RBM20: variants seen among roughly 807,000 people sequenced by gnomAD.
RBM20 encodes RNA-binding protein 20.
RBM20 carries 51 observed loss-of-function variants against 110.1 expected under a neutral mutation model. That is an observed-to-expected ratio of 0.46 (90% CI 0.37 to 0.59). The LOEUF (loss-of-function observed/expected upper bound fraction) is 0.59. Among genes scored for constraint, RBM20 ranks in the 20% least tolerant of loss-of-function variants. The pLI, the probability that RBM20 is intolerant of heterozygous loss-of-function variation, is 0.00. For synonymous variants in RBM20, 589 were observed against 618.2 expected (o/e 0.95, Z 0.70); for missense variants, 1,512 against 1,574.9 (o/e 0.96, Z 0.68).
intron 5 of RBM20, among the ~76,000 whole-genome samples, chr10:110,793,846 TAAAG>T (rs1410439380): frequency 6.6e-6 from 1 of 152,236 alleles, no homozygotes; most frequent in African/African-American, 2.4e-5. Context: ...ACCATATTGA[TAAAG>T]AAATTCAAAG....
chr10:110,752,841 T>C (rs980221386), intron 1 of RBM20, among the ~76,000 whole-genome samples: 1 of 150,642 alleles, frequency 6.6e-6, no homozygotes. Flanking sequence ...TCTATAATTT[T>C]ACCACTTGTG....
chr10:110,783,495 T>A, intron 3 of RBM20, 68 bp downstream of exon 3: 1 of 1,253,500 alleles, frequency 8.0e-7, no homozygotes. Context: ...ATTTACTGTG[T>A]GTCACACGCT....
At chr10:110,701,635 G>A (rs1368863933) in intron 1 of RBM20, among the ~76,000 whole-genome samples, 1 of 152,194 alleles carries the variant, frequency 6.6e-6, no homozygotes, top group Non-Finnish European at 1.5e-5. Context: ...ACACACCCCA[G>A]CTCCACACCA....
chr10:110,771,641 T>C (rs1052121480), intron 1 of RBM20, among the ~76,000 whole-genome samples: 3 of 152,130 alleles, frequency 2.0e-5, no homozygotes, highest in Non-Finnish European at 2.9e-5. Flanking sequence ...CTGAAGATCA[T>C]GAAAGGGACA....
intron 1 of RBM20, among the ~76,000 whole-genome samples, chr10:110,760,425 C>CTTTTTTTTTTTTTTT (rs541027608): frequency 3.5e-5 from 2 of 57,818 alleles, no homozygotes; most frequent in African/African-American, 6.4e-5. Flanking sequence ...ATTCCATCAT[C>CTTTTTTTTTTTTTTT]TTTTTTTTTT....
intron 1 of RBM20, among the ~76,000 whole-genome samples, chr10:110,740,691 G>T (rs1463382158): frequency 6.6e-6 from 1 of 152,196 alleles, no homozygotes; most frequent in African/African-American, 2.4e-5. Flanking sequence ...TTGAGTTAAA[G>T]TGACTTGTTT....
chr10:110,714,156 G>A (rs958132743), intron 1 of RBM20, among the ~76,000 whole-genome samples: 1 of 152,100 alleles, frequency 6.6e-6, no homozygotes, highest in African/African-American at 2.4e-5. Flanking sequence ...CTTGAGCCTT[G>A]GCATAGTTGG....
intron 1 of RBM20, among the ~76,000 whole-genome samples, chr10:110,657,099 C>A (rs11195257): frequency 2.0e-5 from 3 of 151,868 alleles, no homozygotes; most frequent in East Asian, 1.9e-4. Flanking sequence ...TCACTGCAAC[C>A]TCTTCCTCCC....
Position 110,836,521 on chromosome 10 carries a change from G to A in RBM20, c.*543G>A, listed in dbSNP as rs1359876563. 1 of 152,152 alleles carries A rather than the reference G, an allele frequency of 6.6e-6. No homozygotes were observed. Among genetic ancestry groups the A allele is most frequent in the Non-Finnish European group, 1.5e-5 (1 of 68,042 alleles). 9.4% of individuals were successfully genotyped at this position (152,152 alleles called of 1,614,324 possible). ...AGTCAGGTCTGCAGTCCTGGTGAGG[G>A]GACATCACGGACAATCTGTTGGCAG... On this transcript the variant is annotated 3_prime_UTR_variant, in exon 14 of 14. Transcript: ENST00000369519.
At position 110,790,501 on chromosome 10, in the gene RBM20, C is replaced by T. The variant is rs539592465; in HGVS notation, c.1527+5612C>T. ...ATTGTGTAAACAATCTTAGCAGTAA[C>T]AGAAATATAAAAGAAAAGTCAACTT... On this transcript the variant is annotated intron_variant, in intron 5 of 13. Coordinates refer to ENST00000369519, the MANE Select transcript of RBM20 (RefSeq NM_001134363.3). 2.6e-5 allele frequency among the ~76,000 whole-genome samples: 4 copies of T among 152,274 alleles called. No homozygotes were observed. In the South Asian group the frequency reaches 8.3e-4, roughly 32 times the overall value.
At chr10:110,745,438 G>T (rs1271838730) in intron 1 of RBM20, among the ~76,000 whole-genome samples, 2 of 152,268 alleles carry the variant, frequency 1.3e-5, no homozygotes, top group East Asian at 3.9e-4. Context: ...AGTGGCTGGG[G>T]ATCTTCCAGG....
intron 6 of RBM20, 63 bp from the exon 7 acceptor site, chr10:110,799,724 T>C (rs1009638763): frequency 4.7e-6 from 7 of 1,490,750 alleles, no homozygotes; most frequent in Admixed American, 2.1e-5. Context: ...TCATGCCTTG[T>C]GCTGAATCTT....
intron 1 of RBM20, among the ~76,000 whole-genome samples, chr10:110,744,004 C>T (rs1843750272): frequency 6.6e-6 from 1 of 152,118 alleles, no homozygotes; most frequent in African/African-American, 2.4e-5. Context: ...GTGGGGGCTC[C>T]AGTCCCCTTT....
intron 1 of RBM20, among the ~76,000 whole-genome samples, chr10:110,727,706 C>T (rs1024799811): frequency 2.0e-5 from 3 of 152,130 alleles, no homozygotes; most frequent in South Asian, 4.2e-4. Context: ...CATAGGTATA[C>T]ATGTGCTATG....
chr10:110,811,647 G>A (rs1844768798), intron 8 of RBM20, among the ~76,000 whole-genome samples: 1 of 141,322 alleles, frequency 7.1e-6, no homozygotes, highest in Admixed American at 7.1e-5. Flanking sequence ...GGATTCTAGA[G>A]TATCTTCCAA....
intron 1 of RBM20, among the ~76,000 whole-genome samples, chr10:110,673,549 C>A (rs758608204): frequency 2.0e-5 from 3 of 152,204 alleles, no homozygotes; most frequent in Admixed American, 6.5e-5. Context: ...AATGTTTACT[C>A]CTGCTAGCTG....
In RBM20 at chr10:110,820,240, T is replaced by A. The variant is rs958551529; in HGVS notation, c.2655+64T>A. 10 of 1,076,464 alleles carry A rather than the reference T, an allele frequency of 9.3e-6. No individual in the cohort carries two copies. In the African/African-American group the frequency reaches 1.4e-4, roughly 15 times the overall value. The allele number at this position is 1,076,464 out of a possible 1,614,324, so 66.7% of individuals were successfully genotyped here. On this transcript the variant is annotated intron_variant, in intron 10 of 13. Coordinates refer to ENST00000369519, the MANE Select transcript of RBM20 (RefSeq NM_001134363.3). ...GACTGAGTCACAGGAGTCCCCCTTT[T>A]GCCTGGTGATGTCCTGCTGGATGGA...
At chr10:110,756,488 C>T (rs902466264) in intron 1 of RBM20, 4 of 152,222 alleles carry the variant, frequency 2.6e-5, no homozygotes, top group Non-Finnish European at 5.9e-5. Flanking sequence ...GGATGTTTGT[C>T]ATCCCATTGC....
intron 1 of RBM20, among the ~76,000 whole-genome samples, chr10:110,747,900 TAG>T: frequency 1.3e-5 from 2 of 151,838 alleles, no homozygotes; most frequent in Non-Finnish European, 2.9e-5. Flanking sequence ...GAAAACTTTT[TAG>T]AAAGTTTTCT....
Sources: gnomAD v4.1 joint callset for allele counts (sites outside exome capture counted in the v4.1 genomes callset) on GRCh38, gnomAD v4.1.1 for gene constraint, MANE v1.5 for transcripts, NCBI Gene and HGNC (gene_info 2026-07-23, HGNC 2026-07-21) for gene names.